TAF4: variants seen among roughly 807,000 people sequenced by gnomAD.
The protein encoded by TAF4 is transcription initiation factor TFIID subunit 4.
TAF4 carries 9 observed loss-of-function variants against 90.3 expected under a neutral mutation model. The observed-to-expected ratio is 0.10, with a 90% CI of 0.06 to 0.17. The LOEUF (loss-of-function observed/expected upper bound fraction) is 0.17, where lower values mean the gene tolerates loss of function less well. TAF4 is among the 10% of genes least tolerant of loss of function. The probability of loss-of-function intolerance (pLI) is 1.00; values close to 1 mark genes in which losing one functional copy is unlikely to be tolerated. For synonymous variants in TAF4, 818 were observed against 638.9 expected (o/e 1.28, Z -4.23); for missense variants, 1,351 against 1,370.7 (o/e 0.99, Z 0.23).
intron 1 of TAF4, among the ~76,000 whole-genome samples, chr20:62,044,589 T>TAA (rs1191362708): frequency 6.6e-6 from 1 of 152,196 alleles, no homozygotes; most frequent in Non-Finnish European, 1.5e-5. Flanking sequence ...AAAGAAACCT[T>TAA]AAACTTTACT....
In TAF4 at chr20:61,975,950, G is replaced by C. The variant is rs1439359346; in HGVS notation, c.*218C>G. ...CAGGAAGGCCACTCAATCAAGATGA[G>C]TTAAGATTTAATTGTCCTTTAAGAG... is the stretch of plus-strand genomic sequence containing the variant. On this transcript the variant is annotated 3_prime_UTR_variant, in exon 15 of 15. Transcript: ENST00000252996. The C allele has an allele frequency of 1.8e-6, 1 of 545,764 alleles. No individual in the cohort carries two copies. Among genetic ancestry groups the C allele is most frequent in the African/African-American group, 1.9e-5 (1 of 53,358 alleles). 33.8% of individuals were successfully genotyped at this position (545,764 alleles called of 1,614,324 possible). A position where few individuals can be genotyped will look rare whatever the true frequency, so the allele number is the denominator to read the frequency against.
At chr20:62,024,703 T>C (rs775947293) in intron 1 of TAF4, among the ~76,000 whole-genome samples, 8 of 152,022 alleles carry the variant, frequency 5.3e-5, no homozygotes, top group Non-Finnish European at 8.8e-5. Flanking sequence ...ACCCCATCTC[T>C]ACTAAAAATA....
At chr20:62,040,585 C>T (rs1188469100) in intron 1 of TAF4, among the ~76,000 whole-genome samples, 1 of 152,260 alleles carries the variant, frequency 6.6e-6, no homozygotes, top group African/African-American at 2.4e-5. Flanking sequence ...GAAAGGTGCG[C>T]TCTGCCACGC....
chr20:61,983,230 C>A (rs575957986), intron 14 of TAF4, among the ~76,000 whole-genome samples: 1 of 150,630 alleles, frequency 6.6e-6, no homozygotes, highest in Non-Finnish European at 1.5e-5. Context: ...GAGACCAGGG[C>A]GTCGTCACTA....
intron 1 of TAF4, among the ~76,000 whole-genome samples, chr20:62,044,198 GA>G (rs1209091469): frequency 2.0e-5 from 3 of 152,104 alleles, no homozygotes; most frequent in Admixed American, 6.5e-5. Context: ...TCACTATTCA[GA>G]GTAATTTCCT....
chr20:61,990,219 C>T (rs950862319), intron 14 of TAF4, among the ~76,000 whole-genome samples: 2 of 152,110 alleles, frequency 1.3e-5, no homozygotes, highest in African/African-American at 2.4e-5. Flanking sequence ...CAGGAGTGCA[C>T]GCAAACACAT....
chr20:62,064,437 G>A lies in TAF4; in HGVS notation c.1360+14C>T, dbSNP rs1486570252. 8.8e-6 allele frequency: 12 copies of A among 1,369,976 alleles called. No homozygotes were observed. In the Admixed American group the frequency reaches 1.0e-4, roughly 12 times the overall value. The allele number at this position is 1,369,976 out of a possible 1,614,324, so 84.9% of individuals were successfully genotyped here. A position where few individuals can be genotyped will look rare whatever the true frequency, so the allele number is the denominator to read the frequency against. ...GGGAGCCGCCCTTCCCTCCCGCCCC[G>A]TGCGGCCACTCACCTGGGGGCAGCT... On this transcript the variant is annotated intron_variant, in intron 1 of 14. Transcript: ENST00000252996.
rs753104592 is a variant in TAF4 at position 62,065,171 on chromosome 20, C to G, written c.640G>C (p.Ala214Pro). Reference sequence around the variant, plus strand: ...GGCCCGTTGTTGACCAGGCTGACAGCAGGTGCGGCGGCGTGGTGCGAGTTC... The same window carrying G: ...GGCCCGTTGTTGACCAGGCTGACAGGAGGTGCGGCGGCGTGGTGCGAGTTC... ...LLNSHHAAAP[A>P]VSLVNNGPAA... Residue 214 changes from alanine (A) to proline (P), a missense_variant, in exon 1 of 15, where the codon GCT (alanine) becomes CCT (proline). This residue lies in a region of TAF4 where 782 missense variants were observed against 536.6 expected (regional missense o/e 1.46). Coordinates refer to ENST00000252996, the MANE Select transcript of TAF4 (RefSeq NM_003185.4). 8.2e-7 allele frequency: 1 copy of G among 1,214,108 alleles called. No homozygotes were observed. The highest frequency in any genetic ancestry group is 1.1e-6 in the Non-Finnish European group (1 of 951,264). The allele number at this position is 1,214,108 out of a possible 1,614,324, so 75.2% of individuals were successfully genotyped here. A position where few individuals can be genotyped will look rare whatever the true frequency, so the allele number is the denominator to read the frequency against.
At chr20:62,030,102 G>A (rs2055896743) in intron 1 of TAF4, among the ~76,000 whole-genome samples, 2 of 152,178 alleles carry the variant, frequency 1.3e-5, no homozygotes, top group South Asian at 2.1e-4. Flanking sequence ...GCAGCGCAGC[G>A]GGCCAGAGCC....
chr20:62,033,720 A>G (rs1347847844), intron 1 of TAF4, among the ~76,000 whole-genome samples: 2 of 141,232 alleles, frequency 1.4e-5, no homozygotes, highest in East Asian at 4.3e-4. Context: ...CTGGGCAACA[A>G]GAGTGAGACT....
intron 1 of TAF4, among the ~76,000 whole-genome samples, chr20:62,038,412 C>T (rs2055945773): frequency 1.3e-5 from 2 of 152,078 alleles, no homozygotes; most frequent in Admixed American, 1.3e-4. Flanking sequence ...CCGCCCGCCT[C>T]AGCCTCCCAA....
At chr20:62,053,608 C>T (rs920037743) in intron 1 of TAF4, among the ~76,000 whole-genome samples, 5 of 152,230 alleles carry the variant, frequency 3.3e-5, no homozygotes, top group Non-Finnish European at 7.3e-5. Flanking sequence ...CAAGCAACTC[C>T]GCCAGCAAGC....
intron 7 of TAF4, among the ~76,000 whole-genome samples, chr20:62,004,323 C>CTTTCCT (rs2055729161): frequency 8.8e-6 from 1 of 114,002 alleles, no homozygotes; most frequent in Non-Finnish European, 2.0e-5. Context: ...TTTTTCTTTT[C>CTTTCCT]TTTTCTTTTT....
At chr20:62,043,940 GA>G (rs2145505368) in intron 1 of TAF4, among the ~76,000 whole-genome samples, 1 of 152,310 alleles carries the variant, frequency 6.6e-6, no homozygotes, top group East Asian at 1.9e-4. Context: ...GGCTGGACGG[GA>G]AGACACAGAG....
At chr20:62,022,863 C>G (rs556107920) in intron 1 of TAF4, among the ~76,000 whole-genome samples, 35 of 92,442 alleles carry the variant, frequency 3.8e-4, no homozygotes, top group East Asian at 2.1e-3. Context: ...CACTTGCAGC[C>G]CCCCCCCCGC....
Position 62,000,649 on chromosome 20 carries a change from T to C in TAF4, c.2559A>G (p.Leu853=). Residue 853 remains leucine, a synonymous_variant, in exon 10 of 15, where the codon TTA becomes TTG. Coordinates refer to ENST00000252996, the MANE Select transcript of TAF4 (RefSeq NM_003185.4). ...VNLSEESARI[L]ATNSELVGTL... ...TGCCCACCAATTCAGAGTTCGTGGC[T>C]AATATTCTTGCACTTTCTTCTGACA... 1 of 1,614,292 alleles carries C rather than the reference T, an allele frequency of 6.2e-7. No individual in the cohort carries two copies. Among genetic ancestry groups the C allele is most frequent in the Non-Finnish European group, 8.5e-7 (1 of 1,180,054 alleles).
intron 14 of TAF4, among the ~76,000 whole-genome samples, chr20:61,982,228 A>ACCC (rs11204454): frequency 0.15 from 117 of 800 alleles, no homozygotes; most frequent in Middle Eastern, 0.25. Flanking sequence ...ACCCACACCC[A>ACCC]CTGAGAGGAA....
chr20:62,064,521 G>C lies in TAF4; in HGVS notation c.1290C>G (p.Thr430=). ...TSGIRATLTP[T]VLAPRLPQPP... ...GCTGCGGCAAGCGGGGGGCCAGCAC[G>C]GTGGGCGTCAGGGTGGCCCGAATCC... Residue 430 remains threonine (T), a synonymous_variant, in exon 1 of 15, where the codon ACC becomes ACG. Transcript: ENST00000252996. 6.5e-7 allele frequency: 1 copy of C among 1,530,480 alleles called. No individual in the cohort carries two copies. The highest frequency in any genetic ancestry group is 8.8e-7 in the Non-Finnish European group (1 of 1,142,070). 94.8% of individuals were successfully genotyped at this position (1,530,480 alleles called of 1,614,324 possible).
At chr20:62,045,821 A>G (rs905030012) in intron 1 of TAF4, among the ~76,000 whole-genome samples, 1 of 152,210 alleles carries the variant, frequency 6.6e-6, no homozygotes, top group African/African-American at 2.4e-5. Context: ...GACGAAGGGA[A>G]GACAGAACTG....
Sources: gnomAD v4.1 joint callset for allele counts (sites outside exome capture counted in the v4.1 genomes callset) on GRCh38, gnomAD v4.1.1 for gene constraint, gnomAD v4.1.1 regional missense constraint, MANE v1.5 for transcripts, NCBI Gene and HGNC (gene_info 2026-07-23, HGNC 2026-07-21) for gene names.